Variants in MSRA observed in about 807,000 individuals in gnomAD.
MSRA encodes methionine sulfoxide reductase A.
MSRA carries 54 observed loss-of-function variants against 31.3 expected under a neutral mutation model. The observed-to-expected ratio is 1.73, with a 90% CI of 1.39 to 2.17. The LOEUF is 2.17. Among genes scored for constraint, MSRA ranks in the 30% most tolerant of loss-of-function variants. MSRA has a pLI of 0.00. For missense variants in MSRA, 507 were observed against 300.9 expected, an observed-to-expected ratio of 1.69 and a Z score of -5.07; for synonymous variants, 169 against 116.5, an observed-to-expected ratio of 1.45 and a Z score of -2.90.
intron 1 of MSRA, among the ~76,000 whole-genome samples, chr8:10,122,143 G>A (rs924783295): frequency 2.0e-5 from 3 of 152,116 alleles, no homozygotes; most frequent in Non-Finnish European, 4.4e-5. Context: ...CCAGCATGCT[G>A]CTGGTGTTGT....
chr8:10,333,417 C>G (rs1481995419), intron 5 of MSRA, among the ~76,000 whole-genome samples: 1 of 152,204 alleles, frequency 6.6e-6, no homozygotes, highest in Non-Finnish European at 1.5e-5. Context: ...ATGGAACCTA[C>G]ACACACAGCT....
chr8:10,142,392 T>G (rs1243222491), intron 1 of MSRA, among the ~76,000 whole-genome samples: 2 of 152,188 alleles, frequency 1.3e-5, no homozygotes, highest in Admixed American at 1.3e-4. Flanking sequence ...AGCTGGCAAG[T>G]GATGGAGATG....
At chr8:10,136,041 G>A (rs1802245734) in intron 1 of MSRA, among the ~76,000 whole-genome samples, 1 of 143,702 alleles carries the variant, frequency 7.0e-6, no homozygotes, top group Non-Finnish European at 1.5e-5. Context: ...GGCTGACTGT[G>A]AGGCTGGGAC....
At chr8:10,079,413 C>T (rs1161286104) in intron 1 of MSRA, among the ~76,000 whole-genome samples, 1 of 152,112 alleles carries the variant, frequency 6.6e-6, no homozygotes, top group Non-Finnish European at 1.5e-5. Flanking sequence ...CCTAGGCCTC[C>T]CAAAGTGCTG....
chr8:10,379,579 C>T (rs928521046), intron 5 of MSRA, among the ~76,000 whole-genome samples: 2 of 152,178 alleles, frequency 1.3e-5, no homozygotes, highest in Admixed American at 6.5e-5. Context: ...CGCCTTCCCC[C>T]CTCTTCCCCT....
chr8:10,372,188 C>G (rs1258388856), intron 5 of MSRA, among the ~76,000 whole-genome samples: 1 of 152,192 alleles, frequency 6.6e-6, no homozygotes, highest in Non-Finnish European at 1.5e-5. Context: ...CTCTACACTA[C>G]TCGGGGCTTT....
In MSRA at chr8:10,231,856, T is replaced by C. The variant is rs181864927; in HGVS notation, c.212-13248T>C. Among the ~76,000 whole-genome samples the C allele has an allele frequency of 9.2e-5, 14 of 152,200 alleles. No homozygotes were observed. In the East Asian group the frequency reaches 2.3e-3, roughly 25 times the overall value. ...AGGCAGAGGTTGCAGTGATCCAAGA[T>C]TGCATCACTGCACTCCAGCCTGGGT... On this transcript the variant is annotated intron_variant, in intron 2 of 5. Transcript: ENST00000317173.
At chr8:10,252,823 A>G (rs750778911) in intron 3 of MSRA, among the ~76,000 whole-genome samples, 4 of 152,222 alleles carry the variant, frequency 2.6e-5, no homozygotes, top group Non-Finnish European at 4.4e-5. Context: ...AGCCAGTGCT[A>G]TTGAATTCAG....
chr8:10,120,844 G>A (rs561265151), intron 1 of MSRA, among the ~76,000 whole-genome samples: 25 of 152,288 alleles, frequency 1.6e-4, no homozygotes, highest in African/African-American at 5.8e-4. Flanking sequence ...TTATTTGGCT[G>A]TGTCTCTGTG....
At chr8:10,420,240 A>C (rs910563323) in intron 5 of MSRA, among the ~76,000 whole-genome samples, 1 of 151,920 alleles carries the variant, frequency 6.6e-6, no homozygotes, top group African/African-American at 2.4e-5. Flanking sequence ...AATTCAGAGG[A>C]GACAGAAAGC....
intron 5 of MSRA, among the ~76,000 whole-genome samples, chr8:10,375,577 G>C (rs1563409338): frequency 6.6e-6 from 1 of 152,182 alleles, no homozygotes; most frequent in Non-Finnish European, 1.5e-5. Context: ...CAGCCAGGGA[G>C]TCAAGGATTC....
chr8:10,178,071 A>G (rs1806210200), intron 1 of MSRA, among the ~76,000 whole-genome samples: 1 of 152,198 alleles, frequency 6.6e-6, no homozygotes, highest in Non-Finnish European at 1.5e-5. Flanking sequence ...CTTCCTAATG[A>G]GTACATCTAT....
intron 1 of MSRA, among the ~76,000 whole-genome samples, chr8:10,126,433 C>A (rs1437315265): frequency 6.6e-6 from 1 of 152,172 alleles, no homozygotes; most frequent in Non-Finnish European, 1.5e-5. Context: ...GACAGTTTTT[C>A]CACAGACTGG....
chr8:10,078,557 C>T (rs752472766), intron 1 of MSRA, among the ~76,000 whole-genome samples: 77 of 152,240 alleles, frequency 5.1e-4, no homozygotes, highest in Non-Finnish European at 9.1e-4. Flanking sequence ...GCTTGTGTGC[C>T]TGTTTTCCAG....
intron 4 of MSRA, among the ~76,000 whole-genome samples, chr8:10,317,592 G>C (rs1214207992): frequency 6.6e-6 from 1 of 152,278 alleles, no homozygotes; most frequent in South Asian, 2.1e-4. Context: ...CCAAAGCCCA[G>C]TCCTCATTAA....
At chr8:10,372,483 CTGTTTT>C (rs1805533580) in intron 5 of MSRA, among the ~76,000 whole-genome samples, 1 of 152,192 alleles carries the variant, frequency 6.6e-6, no homozygotes, top group Non-Finnish European at 1.5e-5. Context: ...AGGGCATGTG[CTGTTTT>C]CCCGATTTCT....
chr8:10,267,110 G>C (rs912687635), intron 3 of MSRA, among the ~76,000 whole-genome samples: 1 of 152,182 alleles, frequency 6.6e-6, no homozygotes, highest in African/African-American at 2.4e-5. Context: ...TCAGACTCCA[G>C]TTTAAAACCT....
chr8:10,251,960 A>C (rs956919225), intron 3 of MSRA, among the ~76,000 whole-genome samples: 2 of 152,090 alleles, frequency 1.3e-5, no homozygotes, highest in African/African-American at 2.4e-5. Context: ...CTGGGTGACC[A>C]TGGAACCCTC....
At chr8:10,274,574 C>G (rs1055336005) in intron 3 of MSRA, among the ~76,000 whole-genome samples, 1 of 152,170 alleles carries the variant, frequency 6.6e-6, no homozygotes, top group Non-Finnish European at 1.5e-5. Context: ...TCAGACATAC[C>G]TGTGTTACCT....
Sources: gnomAD v4.1 joint callset for allele counts (sites outside exome capture counted in the v4.1 genomes callset) on GRCh38, gnomAD v4.1.1 for gene constraint, MANE v1.5 for transcripts, NCBI Gene and HGNC (gene_info 2026-07-23, HGNC 2026-07-21) for gene names.